The following KHDRBS2 variants were observed in gnomAD, a reference collection of about 807,000 sequenced individuals.
KHDRBS2 encodes the protein KH RNA binding domain containing, signal transduction associated 2, also known as KH domain-containing, RNA-binding, signal transduction-associated protein 2.
KHDRBS2 carries 26 observed loss-of-function variants against 44.3 expected under a neutral mutation model. That is an observed-to-expected ratio of 0.59 (90% CI 0.43 to 0.81). The LOEUF is 0.81. Among genes scored for constraint, KHDRBS2 ranks in the 40% least tolerant of loss-of-function variants. The probability of loss-of-function intolerance (pLI) is 0.00; values close to 1 mark genes in which losing one functional copy is unlikely to be tolerated. For synonymous variants in KHDRBS2, 194 were observed against 151.1 expected (o/e 1.28, Z -2.08); for missense variants, 476 against 433.1 (o/e 1.10, Z -0.88).
intron 2 of KHDRBS2, among the ~76,000 whole-genome samples, chr6:62,162,250 T>C (rs1392445939): frequency 1.3e-5 from 2 of 152,102 alleles, no homozygotes; most frequent in Non-Finnish European, 2.9e-5. Context: ...CCCTGAAGCA[T>C]TTCTTGCAAG....
intron 2 of KHDRBS2, among the ~76,000 whole-genome samples, chr6:62,122,452 C>G (rs763369613): frequency 3.3e-5 from 5 of 152,148 alleles, no homozygotes; most frequent in Non-Finnish European, 7.3e-5. Flanking sequence ...GCTTGTGCAG[C>G]AGCATTCCAT....
At chr6:61,992,646 G>T (rs1171480425) in intron 3 of KHDRBS2, among the ~76,000 whole-genome samples, 2 of 152,130 alleles carry the variant, frequency 1.3e-5, no homozygotes, top group African/African-American at 4.8e-5. Flanking sequence ...TGTGTAACCA[G>T]AGTGGGAACA....
chr6:62,125,798 C>T (rs1259888771), intron 2 of KHDRBS2, among the ~76,000 whole-genome samples: 1 of 152,100 alleles, frequency 6.6e-6, no homozygotes, highest in East Asian at 1.9e-4. Flanking sequence ...AATTCTTCAC[C>T]CGCTGACTAA....
chr6:62,049,140 T>A (rs1044592198), intron 2 of KHDRBS2, among the ~76,000 whole-genome samples: 1 of 151,934 alleles, frequency 6.6e-6, no homozygotes, highest in African/African-American at 2.4e-5. Flanking sequence ...TGGATTGTTG[T>A]ACGTATAGGT....
chr6:61,680,660 GA>G lies in KHDRBS2; in HGVS notation c.*302del, dbSNP rs1276732393. 207 of 165,698 alleles carry G rather than the reference GA, an allele frequency of 1.2e-3. No homozygotes were observed. The highest frequency in any genetic ancestry group is 2.5e-3 in the Middle Eastern group (1 of 396). 10.3% of individuals were successfully genotyped at this position (165,698 alleles called of 1,614,324 possible). ...TCCTCAAAAAAAAAAAAAAGAAAAA[GA>G]AAAAAAAAAGATTACACACAACAAT... On this transcript the variant is annotated 3_prime_UTR_variant, in exon 9 of 9. Coordinates refer to ENST00000281156, the MANE Select transcript of KHDRBS2 (RefSeq NM_152688.4).
At position 61,907,146 on chromosome 6, in the gene KHDRBS2, G is replaced by A. The variant is rs185998049; in HGVS notation, c.484-5775C>T. Among the ~76,000 whole-genome samples, 186 of 152,186 alleles carry A rather than the reference G, an allele frequency of 1.2e-3. 1 individual carries two copies. Among genetic ancestry groups the A allele is most frequent in the African/African-American group, 4.2e-3 (173 of 41,526 alleles). ...TTGCAGTTTTGATTTGCATTTCTCC[G>A]ATGATTAATAATGTTGAGCATTTTT... On this transcript the variant is annotated intron_variant, in intron 4 of 8. Transcript: ENST00000281156.
Position 61,698,263 on chromosome 6 carries a change from T to C in KHDRBS2, c.894-1010A>G, listed in dbSNP as rs139855159. On this transcript the variant is annotated intron_variant, in intron 7 of 8. Transcript: ENST00000281156. ...CACTTCATTTCTTCATTTTTCCCTA[T>C]GGTTACCTTCTCATTTTTCCAATCA... Among the ~76,000 whole-genome samples, 612 of 152,274 alleles carry C rather than the reference T, an allele frequency of 4.0e-3. 6 individuals carry two copies. The highest frequency in any genetic ancestry group is 0.014 in the African/African-American group (590 of 41,564).
chr6:62,162,122 ATTG>A (rs1421455855), intron 2 of KHDRBS2, among the ~76,000 whole-genome samples: 3 of 152,092 alleles, frequency 2.0e-5, no homozygotes, highest in Admixed American at 1.3e-4. Context: ...GCTACAAACC[ATTG>A]TTAAGATAAT....
At chr6:61,886,779 T>C (rs1395078137) in intron 6 of KHDRBS2, among the ~76,000 whole-genome samples, 2 of 152,132 alleles carry the variant, frequency 1.3e-5, no homozygotes, top group Middle Eastern at 3.2e-3. Flanking sequence ...CAAATACATA[T>C]ATGTTAATTG....
intron 2 of KHDRBS2, among the ~76,000 whole-genome samples, chr6:62,172,906 C>T (rs181212470): frequency 1.3e-5 from 2 of 151,938 alleles, no homozygotes; most frequent in Non-Finnish European, 2.9e-5. Context: ...AAAGATAGAA[C>T]GTACAAGAGT....
At chr6:61,636,687 C>A in the KHDRBS2 span, among the ~76,000 whole-genome samples, 1 of 152,088 alleles carries the variant, frequency 6.6e-6, no homozygotes, top group African/African-American at 2.4e-5. Flanking sequence ...GGCTCTCCAC[C>A]ACTAAGAAGT....
chr6:62,183,819 T>A (rs779384875), intron 1 of KHDRBS2, among the ~76,000 whole-genome samples: 1 of 151,732 alleles, frequency 6.6e-6, no homozygotes, highest in Non-Finnish European at 1.5e-5. Flanking sequence ...TCATCTATGA[T>A]CAAAATTCAA....
At chr6:62,096,881 C>A (rs1262367322) in intron 2 of KHDRBS2, among the ~76,000 whole-genome samples, 1 of 151,678 alleles carries the variant, frequency 6.6e-6, no homozygotes, top group Non-Finnish European at 1.5e-5. Context: ...TTTATAACAC[C>A]TAAGTGAATG....
chr6:61,824,087 T>C (rs1435579334), intron 6 of KHDRBS2, among the ~76,000 whole-genome samples: 3 of 152,136 alleles, frequency 2.0e-5, no homozygotes, highest in African/African-American at 7.2e-5. Context: ...AAGAGTATTG[T>C]CAGAGCACTA....
chr6:61,646,368 A>G, the KHDRBS2 span, among the ~76,000 whole-genome samples: 1 of 152,188 alleles, frequency 6.6e-6, no homozygotes, highest in South Asian at 2.1e-4. Context: ...CCAGATCCAG[A>G]GGAGTAGGCA....
chr6:61,785,404 T>A (rs1783648329), intron 6 of KHDRBS2, among the ~76,000 whole-genome samples: 1 of 152,090 alleles, frequency 6.6e-6, no homozygotes, highest in Admixed American at 6.6e-5. Context: ...TGAAGAGTAA[T>A]TGGACAACAG....
intron 3 of KHDRBS2, among the ~76,000 whole-genome samples, chr6:62,040,086 C>T (rs1306964570): frequency 2.0e-5 from 3 of 152,010 alleles, no homozygotes; most frequent in Non-Finnish European, 4.4e-5. Context: ...TTTGAATTGC[C>T]TCTCTTGGCA....
intron 3 of KHDRBS2, among the ~76,000 whole-genome samples, chr6:62,009,898 G>GC (rs1779978918): frequency 6.6e-6 from 1 of 152,206 alleles, no homozygotes; most frequent in African/African-American, 2.4e-5. Flanking sequence ...TCCTCATGTA[G>GC]AAGCTCTGCT....
the KHDRBS2 span, among the ~76,000 whole-genome samples, chr6:61,563,227 A>G: frequency 6.6e-6 from 1 of 152,156 alleles, no homozygotes; most frequent in African/African-American, 2.4e-5. Flanking sequence ...TCTTAAAAAT[A>G]TCACGTTCTC....
Sources: gnomAD v4.1 joint callset for allele counts (sites outside exome capture counted in the v4.1 genomes callset) on GRCh38, gnomAD v4.1.1 for gene constraint, MANE v1.5 for transcripts, NCBI Gene and HGNC (gene_info 2026-07-23, HGNC 2026-07-21) for gene names.